CBFA2T2: variants seen among roughly 807,000 people sequenced by gnomAD.
The protein encoded by CBFA2T2 is CBFA2/RUNX1 partner transcriptional co-repressor 2.
In CBFA2T2, 11 loss-of-function variants were observed where a neutral mutation model predicts 62.2. The ratio of observed to expected loss-of-function variants is 0.18; its 90% CI spans 0.11 to 0.29. The LOEUF (loss-of-function observed/expected upper bound fraction) is 0.29, where lower values mean the gene tolerates loss of function less well. CBFA2T2 is among the 10% of genes least tolerant of loss of function. The pLI, the probability that CBFA2T2 is intolerant of heterozygous loss-of-function variation, is 1.00. For synonymous variants in CBFA2T2, 295 were observed against 287.5 expected (o/e 1.03, Z -0.27); for missense variants, 592 against 774.1 (o/e 0.76, Z 2.79).
At chr20:33,558,862 G>A (rs893383757) in intron 1 of CBFA2T2, among the ~76,000 whole-genome samples, 4 of 151,882 alleles carry the variant, frequency 2.6e-5, no homozygotes, top group African/African-American at 9.7e-5. Context: ...TTTAGATTCG[G>A]GTACATGTGC....
chr20:33,552,716 C>G (rs1358372013), intron 1 of CBFA2T2, among the ~76,000 whole-genome samples: 1 of 152,132 alleles, frequency 6.6e-6, no homozygotes, highest in Non-Finnish European at 1.5e-5. Context: ...CCCCTGCACC[C>G]CAGCAAATGT....
chr20:33,568,921 A>G (rs1227883878), intron 1 of CBFA2T2, among the ~76,000 whole-genome samples: 1 of 152,176 alleles, frequency 6.6e-6, no homozygotes, highest in Non-Finnish European at 1.5e-5. Context: ...TGAACATTTT[A>G]CAAGCAAAAC....
intron 1 of CBFA2T2, among the ~76,000 whole-genome samples, chr20:33,556,186 C>T (rs779828427): frequency 1.3e-5 from 2 of 152,190 alleles, no homozygotes; most frequent in Non-Finnish European, 2.9e-5. Flanking sequence ...TATTCTAAAA[C>T]AGTTCTTCAG....
At chr20:33,620,346 C>CAAA in intron 4 of CBFA2T2, among the ~76,000 whole-genome samples, 1 of 141,868 alleles carries the variant, frequency 7.0e-6, no homozygotes, top group South Asian at 2.3e-4. Flanking sequence ...CCGTCTCTGC[C>CAAA]AAAAAAAAAT....
Position 33,629,716 on chromosome 20 carries a change from C to G in CBFA2T2, c.1033-3C>G, listed in dbSNP as rs2016380356. The G allele has an allele frequency of 6.2e-7, 1 of 1,610,888 alleles. No homozygotes were observed. Among genetic ancestry groups the G allele is most frequent in the Non-Finnish European group, 8.5e-7 (1 of 1,178,594 alleles). ...TCTCTGCCTGGCCCCCTCTGTGACTCAGGCGCTGAATTGCATTATGGAAAT... is the reference window on the plus strand; with the variant it reads ...TCTCTGCCTGGCCCCCTCTGTGACTGAGGCGCTGAATTGCATTATGGAAAT... On this transcript the variant is annotated splice_region_variant and splice_polypyrimidine_tract_variant and intron_variant, in intron 7 of 10. Transcript: ENST00000342704.
chr20:33,508,398 C>T (rs2011441409), intron 1 of CBFA2T2, among the ~76,000 whole-genome samples: 1 of 151,978 alleles, frequency 6.6e-6, no homozygotes, highest in African/African-American at 2.4e-5. Flanking sequence ...CCCCGCCTGC[C>T]TTTGTTTTTA....
chr20:33,624,072 A>G lies in CBFA2T2; in HGVS notation c.693-692A>G, dbSNP rs1279795355. On this transcript the variant is annotated intron_variant, in intron 5 of 10. Coordinates refer to ENST00000342704, the MANE Select transcript of CBFA2T2 (RefSeq NM_001032999.3). ...TGAGAAGTTTTGAAAAAGTATAGCAATTAATTATTAATATTTGCCAATGAC... is the reference window on the plus strand; with the variant it reads ...TGAGAAGTTTTGAAAAAGTATAGCAGTTAATTATTAATATTTGCCAATGAC... 1.1e-5 allele frequency: 6 copies of G among 530,700 alleles called. No homozygotes were observed. The East Asian group carries it at 1.8e-4, about 16-fold the overall frequency. 32.9% of individuals were successfully genotyped at this position (530,700 alleles called of 1,614,324 possible).
chr20:33,551,530 C>G (rs779999421), intron 1 of CBFA2T2, among the ~76,000 whole-genome samples: 21 of 147,878 alleles, frequency 1.4e-4, no homozygotes, highest in Non-Finnish European at 2.5e-4. Context: ...GCTTTTGTTC[C>G]ATCAATGTTT....
chr20:33,510,454 G>A (rs998668597), intron 1 of CBFA2T2, among the ~76,000 whole-genome samples: 2 of 151,586 alleles, frequency 1.3e-5, no homozygotes, highest in South Asian at 4.2e-4. Flanking sequence ...CTCGTGATCC[G>A]CCCGCCTCGG....
intron 1 of CBFA2T2, among the ~76,000 whole-genome samples, chr20:33,522,973 G>C (rs551714323): frequency 6.2e-4 from 94 of 152,298 alleles, no homozygotes; most frequent in Middle Eastern, 3.4e-3. Flanking sequence ...GTCTGATGAA[G>C]AGAAAATACA....
intron 1 of CBFA2T2, among the ~76,000 whole-genome samples, chr20:33,584,541 G>GCC (rs982810396): frequency 6.6e-6 from 1 of 152,124 alleles, no homozygotes; most frequent in Non-Finnish European, 1.5e-5. Flanking sequence ...ACAGGCGTGA[G>GCC]CCACCGCGCC....
intron 8 of CBFA2T2, among the ~76,000 whole-genome samples, chr20:33,632,508 G>C (rs2016489494): frequency 6.9e-6 from 1 of 145,060 alleles, no homozygotes; most frequent in African/African-American, 2.6e-5. Flanking sequence ...TAGCTCTGTT[G>C]CCCAGGCTGG....
At chr20:33,526,428 G>A (rs756175058) in intron 1 of CBFA2T2, among the ~76,000 whole-genome samples, 2 of 152,208 alleles carry the variant, frequency 1.3e-5, no homozygotes, top group South Asian at 2.1e-4. Flanking sequence ...CTAGTTCAAC[G>A]TTTGTAGCAA....
chr20:33,639,110 G>T, intron 9 of CBFA2T2: 1 of 152,344 alleles, frequency 6.6e-6, no homozygotes, highest in Non-Finnish European at 1.5e-5. Flanking sequence ...CCACTTCCAG[G>T]CCCTTCGGTG....
At chr20:33,582,980 A>G (rs941636664) in intron 1 of CBFA2T2, among the ~76,000 whole-genome samples, 1 of 152,068 alleles carries the variant, frequency 6.6e-6, no homozygotes, top group Non-Finnish European at 1.5e-5. Flanking sequence ...CTTTTATTAA[A>G]CAACTTCTTT....
At chr20:33,612,389 C>T (rs2015562596) in intron 3 of CBFA2T2, among the ~76,000 whole-genome samples, 1 of 152,182 alleles carries the variant, frequency 6.6e-6, no homozygotes, top group Non-Finnish European at 1.5e-5. Flanking sequence ...CAGCACTAAT[C>T]CTTGAAGCTG....
chr20:33,498,542 C>T (rs1052829426), intron 1 of CBFA2T2, among the ~76,000 whole-genome samples: 6 of 151,848 alleles, frequency 4.0e-5, no homozygotes, highest in South Asian at 2.1e-4. Flanking sequence ...CGTGAGCTAC[C>T]GCGCCCAACC....
chr20:33,608,798 C>T (rs2015424221), intron 2 of CBFA2T2, among the ~76,000 whole-genome samples: 1 of 152,080 alleles, frequency 6.6e-6, no homozygotes, highest in Non-Finnish European at 1.5e-5. Context: ...ACGAAAAAGC[C>T]TTTCTATACA....
intron 1 of CBFA2T2, among the ~76,000 whole-genome samples, chr20:33,566,998 G>T (rs1190055985): frequency 6.6e-6 from 1 of 152,166 alleles, no homozygotes; most frequent in Admixed American, 6.5e-5. Flanking sequence ...GGACTCTGTG[G>T]ATTGTTTAAT....
Sources: allele counts gnomAD v4.1 joint callset (sites outside exome capture counted in the v4.1 genomes callset), GRCh38; gene constraint gnomAD v4.1.1; transcripts MANE v1.5; gene names NCBI Gene and HGNC (gene_info 2026-07-23, HGNC 2026-07-21).